SHROOM2: variants seen among roughly 807,000 people sequenced by gnomAD.
SHROOM2 encodes protein Shroom2.
A neutral mutation model predicts 75.9 loss-of-function variants in SHROOM2; 33 were observed. The ratio of observed to expected loss-of-function variants is 0.43; its 90% CI spans 0.33 to 0.58. The LOEUF (loss-of-function observed/expected upper bound fraction) is 0.58, where lower values mean the gene tolerates loss of function less well. Among genes scored for constraint, SHROOM2 ranks in the 20% least tolerant of loss-of-function variants. SHROOM2 has a pLI of 0.04. For missense variants in SHROOM2, 1,434 were observed against 1,461.2 expected, an observed-to-expected ratio of 0.98 and a Z score of 0.30; for synonymous variants, 655 against 663.6, an observed-to-expected ratio of 0.99 and a Z score of 0.20.
intron 1 of SHROOM2, among the ~76,000 whole-genome samples, chrX:9,809,365 T>C (rs1028590505): frequency 1.8e-5 from 2 of 111,049 alleles, no homozygotes; most frequent in Admixed American, 1.9e-4. Context: ...GCCCACCAGA[T>C]TGAGGGCAGA....
At chrX:9,874,420 T>A (rs1390536485) in intron 2 of SHROOM2, among the ~76,000 whole-genome samples, 1 of 112,329 alleles carries the variant, frequency 8.9e-6, no homozygotes, top group Non-Finnish European at 1.9e-5. Flanking sequence ...GAAATAACTC[T>A]CCACCTTGGT....
intron 5 of SHROOM2, among the ~76,000 whole-genome samples, chrX:9,905,321 T>C (rs2084385838): frequency 8.8e-6 from 1 of 113,234 alleles, no homozygotes; most frequent in South Asian, 3.6e-4. Flanking sequence ...AGTCACCTCC[T>C]TCTCAATATA....
chrX:9,826,510 T>C (rs1479444363), intron 1 of SHROOM2, among the ~76,000 whole-genome samples: 2 of 111,509 alleles, frequency 1.8e-5, no homozygotes, highest in African/African-American at 3.3e-5. Context: ...GATGGCTCAC[T>C]CCTGTAATCC....
At chrX:9,842,769 C>T (rs1601940176) in intron 1 of SHROOM2, among the ~76,000 whole-genome samples, 1 of 111,976 alleles carries the variant, frequency 8.9e-6, no homozygotes, top group South Asian at 3.7e-4. Flanking sequence ...GGCGGGAGGG[C>T]AGGAGTCCTG....
intron 5 of SHROOM2, among the ~76,000 whole-genome samples, chrX:9,899,782 ATTCCAAGTAGGTCACGTGCCGAGCACCAG>A (rs1267734907): frequency 8.9e-6 from 1 of 112,395 alleles, no homozygotes; most frequent in Admixed American, 9.4e-5. Context: ...ATGACTGTGG[ATTCCAAGTAGGTCACGTGCCGAGCACCAG>A]CTGCAGTCTG....
At chrX:9,812,876 G>A (rs931848596) in intron 1 of SHROOM2, among the ~76,000 whole-genome samples, 20 of 112,318 alleles carry the variant, frequency 1.8e-4, no homozygotes, top group African/African-American at 6.5e-4. Context: ...GTCAATGGCC[G>A]CATACCAGGT....
At position 9,913,616 on chromosome X, in the gene SHROOM2, C is replaced by T. The variant is rs150306294; in HGVS notation, c.2891+15326C>T. Among the ~76,000 whole-genome samples, 43 of 112,201 alleles carry T rather than the reference C, an allele frequency of 3.8e-4. No homozygotes were observed. The East Asian group carries it at 0.011, about 30-fold the overall frequency. On this transcript the variant is annotated intron_variant, in intron 5 of 9. Coordinates refer to ENST00000380913, the MANE Select transcript of SHROOM2 (RefSeq NM_001649.4). ...GCATAAATATGTTTGCACACACAGG[C>T]TGTCTCTTTGGTCTGCATTTACTGA... is the stretch of plus-strand genomic sequence containing the variant.
chrX:9,900,852 C>T (rs1240342610), intron 5 of SHROOM2, among the ~76,000 whole-genome samples: 1 of 110,300 alleles, frequency 9.1e-6, no homozygotes, highest in Non-Finnish European at 1.9e-5. Flanking sequence ...CCCCAGCCCC[C>T]ACCCCCACTG....
chrX:9,886,860 G>A (rs776838236), intron 2 of SHROOM2, among the ~76,000 whole-genome samples: 3 of 112,364 alleles, frequency 2.7e-5, no homozygotes, highest in East Asian at 2.8e-4. Flanking sequence ...AACAGTATAC[G>A]TTTTGACTAA....
intron 2 of SHROOM2, among the ~76,000 whole-genome samples, chrX:9,880,570 C>T (rs1259187367): frequency 5.3e-5 from 6 of 112,634 alleles, no homozygotes; most frequent in African/African-American, 1.3e-4. Flanking sequence ...TAAATGTCGC[C>T]TCTTCTTAGA....
intron 1 of SHROOM2, among the ~76,000 whole-genome samples, chrX:9,802,630 G>A (rs1440418763): frequency 8.9e-6 from 1 of 111,835 alleles, no homozygotes; most frequent in Non-Finnish European, 1.9e-5. Flanking sequence ...CCCTGAGAGT[G>A]GGGACTGGCT....
At chrX:9,855,499 C>T (rs956353732) in intron 1 of SHROOM2, among the ~76,000 whole-genome samples, 1 of 109,222 alleles carries the variant, frequency 9.2e-6, no homozygotes, top group Admixed American at 1.0e-4. Context: ...GCTGATGCCC[C>T]AATTTTTGAA....
chrX:9,877,260 C>T (rs146324904), intron 2 of SHROOM2, among the ~76,000 whole-genome samples: 1,277 of 111,548 alleles, frequency 0.011, 18 homozygotes, highest in African/African-American at 0.04. Context: ...CGCTTCCTCT[C>T]GCCCAGGGCA....
chrX:9,831,656 C>T (rs1175963304), intron 1 of SHROOM2, among the ~76,000 whole-genome samples: 3 of 111,958 alleles, frequency 2.7e-5, no homozygotes, highest in Non-Finnish European at 5.6e-5. Flanking sequence ...AAAACTCCAT[C>T]TCAAAAACAA....
chrX:9,835,258 G>C (rs2083937728), intron 1 of SHROOM2, among the ~76,000 whole-genome samples: 1 of 112,097 alleles, frequency 8.9e-6, no homozygotes, highest in African/African-American at 3.3e-5. Context: ...AGGAAGAAAG[G>C]GCCAGTTGAA....
At chrX:9,871,942 G>A (rs959144091) in intron 1 of SHROOM2, among the ~76,000 whole-genome samples, 1 of 112,345 alleles carries the variant, frequency 8.9e-6, no homozygotes, top group Non-Finnish European at 1.9e-5. Context: ...GTATGCTGAT[G>A]TGCTTGTAAC....
At chrX:9,795,807 T>G (rs2083692291) in intron 1 of SHROOM2, among the ~76,000 whole-genome samples, 1 of 109,894 alleles carries the variant, frequency 9.1e-6, no homozygotes, top group Admixed American at 9.8e-5. Context: ...AAACTTCTGG[T>G]GTAGTACAGG....
At chrX:9,898,904 G>A (rs1018957835) in intron 5 of SHROOM2, among the ~76,000 whole-genome samples, 6 of 111,278 alleles carry the variant, frequency 5.4e-5, no homozygotes, top group African/African-American at 2.0e-4. Flanking sequence ...CAGAATGTGC[G>A]CCGTAGCCGC....
At chrX:9,880,841 A>G (rs2084227844) in intron 2 of SHROOM2, among the ~76,000 whole-genome samples, 1 of 111,206 alleles carries the variant, frequency 9.0e-6, no homozygotes, top group Non-Finnish European at 1.9e-5. Flanking sequence ...ACACACTCAA[A>G]CCCCTCCTGT....
Sources: gnomAD v4.1 joint callset for allele counts (sites outside exome capture counted in the v4.1 genomes callset) on GRCh38, gnomAD v4.1.1 for gene constraint, MANE v1.5 for transcripts, NCBI Gene and HGNC (gene_info 2026-07-23, HGNC 2026-07-21) for gene names.